Variants in CTDP1 observed in about 807,000 individuals in gnomAD.
CTDP1 encodes RNA polymerase II subunit A C-terminal domain phosphatase.
In CTDP1, 47 loss-of-function variants were observed where a neutral mutation model predicts 91.8. The ratio of observed to expected loss-of-function variants is 0.51; its 90% CI spans 0.41 to 0.65. The LOEUF (loss-of-function observed/expected upper bound fraction) is 0.65, where lower values mean the gene tolerates loss of function less well. CTDP1 is among the 30% of genes least tolerant of loss of function. CTDP1 has a pLI of 0.00. For synonymous variants in CTDP1, 656 were observed against 598.5 expected (o/e 1.10, Z -1.40); for missense variants, 1,272 against 1,373.7 (o/e 0.93, Z 1.17).
rs554929846 is a variant in CTDP1, at chr18:79,740,673, C to T, written c.2747+4152C>T. ...GCTAATTTCGCATGGCCAAGCTGTTCCACAGAATCTTAATGTCAGTTGAAC... is the reference window on the plus strand; with the variant it reads ...GCTAATTTCGCATGGCCAAGCTGTTTCACAGAATCTTAATGTCAGTTGAAC... On this transcript the variant is annotated intron_variant, in intron 12 of 12. Coordinates refer to ENST00000613122, the MANE Select transcript of CTDP1 (RefSeq NM_004715.5). Among the ~76,000 whole-genome samples, 4 of 152,246 alleles carry T rather than the reference C, an allele frequency of 2.6e-5. No individual in the cohort carries two copies. The South Asian group carries it at 8.3e-4, about 32-fold the overall frequency.
At chr18:79,693,706 G>GA (rs2085672010) in intron 1 of CTDP1, among the ~76,000 whole-genome samples, 1 of 152,124 alleles carries the variant, frequency 6.6e-6, no homozygotes, top group Non-Finnish European at 1.5e-5. Flanking sequence ...GCCCCGCACC[G>GA]TGTGTCCTCA....
Position 79,753,815 on chromosome 18 carries a change from A to G in CTDP1, c.*25A>G, listed in dbSNP as rs1333335701. 3 of 1,609,930 alleles carry G rather than the reference A, an allele frequency of 1.9e-6. No homozygotes were observed. The highest frequency in any genetic ancestry group is 2.5e-6 in the Non-Finnish European group (3 of 1,178,952). ...AGCGCGGGCAGCGGGCAGGGACTGA[A>G]GCCTGACCGACCTCCAGCAGCACTC... On this transcript the variant is annotated 3_prime_UTR_variant, in exon 13 of 13. Transcript: ENST00000613122.
chr18:79,706,372 G>C (rs1313772214), intron 5 of CTDP1, among the ~76,000 whole-genome samples: 4 of 152,200 alleles, frequency 2.6e-5, no homozygotes, highest in African/African-American at 9.7e-5. Context: ...TGCCGTTGCA[G>C]CCAGTGCCAG....
At chr18:79,729,503 G>A (rs991193359) in intron 11 of CTDP1, among the ~76,000 whole-genome samples, 27 of 152,232 alleles carry the variant, frequency 1.8e-4, no homozygotes, top group Admixed American at 1.3e-3. Flanking sequence ...GGAGGGCTGT[G>A]TGTTGCACGT....
intron 1 of CTDP1, chr18:79,680,749 C>G (rs923776486): frequency 6.6e-6 from 1 of 152,604 alleles, no homozygotes; most frequent in Non-Finnish European, 1.5e-5. Context: ...GGGCGGAACC[C>G]AGGCCTGCAG....
At chr18:79,724,111 C>A (rs889631848) in intron 10 of CTDP1, among the ~76,000 whole-genome samples, 1 of 152,146 alleles carries the variant, frequency 6.6e-6, no homozygotes, top group Non-Finnish European at 1.5e-5. Context: ...TTTCTGAGCA[C>A]GAAGATTCGC....
Position 79,680,136 on chromosome 18 carries a change from C to G in CTDP1, c.189C>G (p.Ala63=). The change falls in exon 1 of 13, where the codon GCC becomes GCG. Residue 63 remains alanine (A), a synonymous_variant. Transcript: ENST00000613122. ...CCGCCTCCGCGCAGTCCTCCGGGGCCTCTCAGTCCCGTGTAGCCTCCGGGG... is the reference window on the plus strand; with the variant it reads ...CCGCCTCCGCGCAGTCCTCCGGGGCGTCTCAGTCCCGTGTAGCCTCCGGGG... ...EAAASAQSSG[A]SQSRVASGGC... 1 of 1,431,720 alleles carries G rather than the reference C, an allele frequency of 7.0e-7. No homozygotes were observed. Among genetic ancestry groups the G allele is most frequent in the South Asian group, 1.4e-5 (1 of 72,206 alleles). The allele number at this position is 1,431,720 out of a possible 1,614,324, so 88.7% of individuals were successfully genotyped here.
At chr18:79,736,928 G>T (rs961125980) in intron 12 of CTDP1, among the ~76,000 whole-genome samples, 1 of 151,940 alleles carries the variant, frequency 6.6e-6, no homozygotes, top group Non-Finnish European at 1.5e-5. Context: ...ACGTGTGCAC[G>T]CAGGCATGTA....
intron 10 of CTDP1, among the ~76,000 whole-genome samples, chr18:79,723,229 G>A (rs756148061): frequency 2.7e-4 from 41 of 152,296 alleles, no homozygotes; most frequent in Non-Finnish European, 4.6e-4. Flanking sequence ...CATCTGTCAC[G>A]GGCATTGGTT....
chr18:79,734,691 CT>C (rs1245069543), intron 11 of CTDP1, among the ~76,000 whole-genome samples: 7 of 152,248 alleles, frequency 4.6e-5, no homozygotes, highest in African/African-American at 1.7e-4. Context: ...TTGTTTTTCT[CT>C]CTTGACAAGG....
In CTDP1 at chr18:79,712,127, G is replaced by C. The variant is rs562247765; in HGVS notation, c.864-845G>C. Among the ~76,000 whole-genome samples, 4 of 152,270 alleles carry C rather than the reference G, an allele frequency of 2.6e-5. No homozygotes were observed. The South Asian group carries it at 8.3e-4, about 32-fold the overall frequency. On this transcript the variant is annotated intron_variant, in intron 6 of 12. Coordinates refer to ENST00000613122, the MANE Select transcript of CTDP1 (RefSeq NM_004715.5). ...TTAATCAGGGCAAAAGAGAATGAGA[G>C]GTGCTGTTAGTGTGTTACAGGGAAA...
chr18:79,724,776 G>A (rs2086411974), intron 10 of CTDP1, among the ~76,000 whole-genome samples: 1 of 152,194 alleles, frequency 6.6e-6, no homozygotes, highest in South Asian at 2.1e-4. Context: ...AGATTTTCTT[G>A]ATGTTTTATC....
chr18:79,724,731 G>A (rs939655842), intron 10 of CTDP1, among the ~76,000 whole-genome samples: 2 of 152,208 alleles, frequency 1.3e-5, no homozygotes, highest in African/African-American at 4.8e-5. Context: ...TGCTTTTGCT[G>A]TGAAGTTAAC....
At chr18:79,694,687 C>A (rs1380669405) in intron 1 of CTDP1, among the ~76,000 whole-genome samples, 1 of 152,136 alleles carries the variant, frequency 6.6e-6, no homozygotes, top group Non-Finnish European at 1.5e-5. Context: ...CCTCTGGTCT[C>A]ATAGCCTTCA....
intron 8 of CTDP1, 108 bp from the exon 9 acceptor site, chr18:79,717,427 G>A: frequency 6.6e-7 from 1 of 1,514,590 alleles, no homozygotes; most frequent in Non-Finnish European, 9.0e-7. Flanking sequence ...AGGGCCCTGA[G>A]CCCTGGTGGG....
At chr18:79,729,209 G>A (rs2086514947) in intron 11 of CTDP1, 140 bp downstream of exon 11, 1 of 1,108,076 alleles carries the variant, frequency 9.0e-7, no homozygotes, top group Non-Finnish European at 1.3e-6. Context: ...TCTGGTTTGG[G>A]ACGAGCACTT....
chr18:79,685,209 A>G (rs571854801), intron 1 of CTDP1: 3 of 152,368 alleles, frequency 2.0e-5, no homozygotes, highest in African/African-American at 7.2e-5. Flanking sequence ...GGGAGTAGCT[A>G]GAACAATAGT....
In CTDP1 at chr18:79,684,670, G is replaced by A. The variant is rs572286463; in HGVS notation, c.314+4409G>A. Among the ~76,000 whole-genome samples, 6 of 152,300 alleles carry A rather than the reference G, an allele frequency of 3.9e-5. No individual in the cohort carries two copies. In the South Asian group the frequency reaches 1.2e-3, roughly 32 times the overall value. Reference sequence around the variant, plus strand: ...CTCGTTGCCTGCATTGTTGTTACCAGCAACATTTATCCTAACCACATCAGT... The same window carrying A: ...CTCGTTGCCTGCATTGTTGTTACCAACAACATTTATCCTAACCACATCAGT... On this transcript the variant is annotated intron_variant, in intron 1 of 12. Coordinates refer to ENST00000613122, the MANE Select transcript of CTDP1 (RefSeq NM_004715.5).
chr18:79,728,595 C>T (rs1040175275), intron 10 of CTDP1, among the ~76,000 whole-genome samples: 2 of 152,160 alleles, frequency 1.3e-5, no homozygotes, highest in African/African-American at 4.8e-5. Flanking sequence ...CTCTCTTTGC[C>T]CTTTATTCTA....
Sources: gnomAD v4.1 joint callset for allele counts (sites outside exome capture counted in the v4.1 genomes callset) on GRCh38, gnomAD v4.1.1 for gene constraint, MANE v1.5 for transcripts, NCBI Gene and HGNC (gene_info 2026-07-23, HGNC 2026-07-21) for gene names.